Variants in PLAAT5 observed in about 807,000 individuals in gnomAD.
PLAAT5 encodes Ca(2+)-independent N-acyltransferase.
A neutral mutation model predicts 27.8 loss-of-function variants in PLAAT5; 27 were observed. The ratio of observed to expected loss-of-function variants is 0.97; its 90% CI spans 0.72 to 1.34. The LOEUF is 1.34. PLAAT5 is among the 40% of genes most tolerant of loss of function. The pLI, the probability that PLAAT5 is intolerant of heterozygous loss-of-function variation, is 0.00. For missense variants in PLAAT5, 368 were observed against 343.8 expected, an observed-to-expected ratio of 1.07 and a Z score of -0.56; for synonymous variants, 125 against 136.1, an observed-to-expected ratio of 0.92 and a Z score of 0.57.
intron 3 of PLAAT5, among the ~76,000 whole-genome samples, chr11:63,472,812 T>C (rs925438607): frequency 1.3e-5 from 2 of 152,182 alleles, no homozygotes; most frequent in African/African-American, 2.4e-5. Context: ...TTAATTCTAA[T>C]GGTTTTGTGG....
At chr11:63,476,945 T>G (rs375889474) in intron 3 of PLAAT5, among the ~76,000 whole-genome samples, 16 of 152,296 alleles carry the variant, frequency 1.1e-4, no homozygotes, top group African/African-American at 3.1e-4. Context: ...TTCTTTTTTC[T>G]TTTTGGTAAC....
At chr11:63,485,102 C>T (rs1182821702) in intron 3 of PLAAT5, among the ~76,000 whole-genome samples, 2 of 151,174 alleles carry the variant, frequency 1.3e-5, no homozygotes, top group African/African-American at 4.9e-5. Context: ...AAGATCTCTA[C>T]AAGGAAAACA....
chr11:63,463,446 G>T lies in PLAAT5; in HGVS notation c.*57C>A. ...CATTGAGAGAAGGCAAGGGAAGGAA[G>T]CATGTTCTTTTTGCTTGTGTCAGTA... is the stretch of plus-strand genomic sequence containing the variant. On this transcript the variant is annotated 3_prime_UTR_variant, in exon 6 of 6. Coordinates refer to ENST00000540857, the MANE Select transcript of PLAAT5 (RefSeq NM_001146729.2). The T allele has an allele frequency of 7.7e-7, 1 of 1,300,156 alleles. No homozygotes were observed. The highest frequency in any genetic ancestry group is 1.1e-6 in the Non-Finnish European group (1 of 898,066). 80.5% of individuals were successfully genotyped at this position (1,300,156 alleles called of 1,614,324 possible). A position where few individuals can be genotyped will look rare whatever the true frequency, so the allele number is the denominator to read the frequency against.
Position 63,466,262 on chromosome 11 carries a change from T to C in PLAAT5, c.565A>G (p.Lys189Glu), listed in dbSNP as rs2015860704. The change falls in exon 5 of 6, where the codon AAG (lysine) becomes GAG (glutamate). Residue 189 changes from lysine (K) to glutamate (E), a missense_variant. Transcript: ENST00000540857. ...LHGCSWKVNN[K>E]LDGTYLPLPV... ...AAGGGCAGGTACGTCCCATCTAGCT[T>C]GTTATTGACCTTCCAGGAGCAGCCA... is the stretch of plus-strand genomic sequence containing the variant. 1.2e-6 allele frequency: 2 copies of C among 1,614,068 alleles called. No homozygotes were observed. Among genetic ancestry groups the C allele is most frequent in the Non-Finnish European group, 8.5e-7 (1 of 1,180,054 alleles).
chr11:63,473,109 C>T (rs2016069730), intron 3 of PLAAT5, among the ~76,000 whole-genome samples: 2 of 151,714 alleles, frequency 1.3e-5, no homozygotes, highest in African/African-American at 2.4e-5. Context: ...CAGAGCAAGA[C>T]TCTGCCTCAA....
intron 3 of PLAAT5, among the ~76,000 whole-genome samples, chr11:63,473,891 G>C (rs2016091448): frequency 6.6e-6 from 1 of 151,598 alleles, no homozygotes; most frequent in Non-Finnish European, 1.5e-5. Context: ...TATTTGGTTT[G>C]TTTCACCTTG....
chr11:63,479,858 G>T (rs939853153), intron 3 of PLAAT5, among the ~76,000 whole-genome samples: 1 of 152,238 alleles, frequency 6.6e-6, no homozygotes, highest in African/African-American at 2.4e-5. Flanking sequence ...ATTGATCAGG[G>T]TGAAGGAAAT....
intron 1 of PLAAT5, among the ~76,000 whole-genome samples, 199 bp downstream of exon 1, chr11:63,490,688 T>C (rs1056542461): frequency 1.3e-5 from 2 of 152,146 alleles, no homozygotes; most frequent in African/African-American, 4.8e-5. Context: ...ATATGAGATA[T>C]AGCGGGAAGG....
Position 63,463,409 on chromosome 11 carries a change from C to G in PLAAT5, c.*94G>C, listed in dbSNP as rs2015768120. 1.1e-6 allele frequency: 1 copy of G among 907,062 alleles called. No individual in the cohort carries two copies. The highest frequency in any genetic ancestry group is 1.4e-5 in the South Asian group (1 of 72,782). The allele number at this position is 907,062 out of a possible 1,614,324, so 56.2% of individuals were successfully genotyped here. On this transcript the variant is annotated 3_prime_UTR_variant, in exon 6 of 6. Coordinates refer to ENST00000540857, the MANE Select transcript of PLAAT5 (RefSeq NM_001146729.2). ...GATTCTTCCAGAAGTTCACAATTTT[C>G]TTAATCGGAGCCATTGAGAGAAGGC...
At chr11:63,469,143 T>TGAGAGAGA (rs1283736817) in intron 3 of PLAAT5, among the ~76,000 whole-genome samples, 1 of 139,180 alleles carries the variant, frequency 7.2e-6, no homozygotes, top group Non-Finnish European at 1.5e-5. Flanking sequence ...TGTGTGTGTG[T>TGAGAGAGA]GTGAGAGAGA....
rs1034909291 is a variant in PLAAT5, at chr11:63,463,326, T to C, written c.*177A>G. 5.9e-5 allele frequency: 37 copies of C among 632,470 alleles called. No individual in the cohort carries two copies. The African/African-American group carries it at 6.3e-4, about 11-fold the overall frequency. The allele number at this position is 632,470 out of a possible 1,614,324, so 39.2% of individuals were successfully genotyped here. Reference sequence around the variant, plus strand: ...AGATCCTTCCCATCCTGAGAGTCTGTGGGTCTATGCTCGTATATATTGGAT... The same window carrying C: ...AGATCCTTCCCATCCTGAGAGTCTGCGGGTCTATGCTCGTATATATTGGAT... On this transcript the variant is annotated 3_prime_UTR_variant, in exon 6 of 6. Transcript: ENST00000540857.
At position 63,468,474 on chromosome 11, in the gene PLAAT5, G is replaced by C; in HGVS notation, c.346-9C>G. The C allele has an allele frequency of 1.2e-6, 2 of 1,603,764 alleles. No individual in the cohort carries two copies. The highest frequency in any genetic ancestry group is 1.7e-6 in the Non-Finnish European group (2 of 1,171,560). On this transcript the variant is annotated splice_polypyrimidine_tract_variant and intron_variant, in intron 3 of 5. Coordinates refer to ENST00000540857, the MANE Select transcript of PLAAT5 (RefSeq NM_001146729.2). ...CTGGGTCTTGGTTTTCCCTATAATGGAAAAATAAAAGATAAATGGCACATG... is the reference window on the plus strand; with the variant it reads ...CTGGGTCTTGGTTTTCCCTATAATGCAAAAATAAAAGATAAATGGCACATG...
At chr11:63,486,178 T>C (rs1299143401) in intron 3 of PLAAT5, among the ~76,000 whole-genome samples, 1 of 152,204 alleles carries the variant, frequency 6.6e-6, no homozygotes, top group Non-Finnish European at 1.5e-5. Context: ...TTTACACTGC[T>C]GGTGGGGATG....
chr11:63,489,950 T>C (rs986844653), intron 2 of PLAAT5, among the ~76,000 whole-genome samples: 1 of 152,198 alleles, frequency 6.6e-6, no homozygotes, highest in Admixed American at 6.5e-5. Flanking sequence ...GTTCACTGAT[T>C]AGTGAGACCA....
intron 1 of PLAAT5, 98 bp downstream of exon 1, chr11:63,490,789 C>T (rs1257751620): frequency 1.8e-6 from 2 of 1,126,448 alleles, no homozygotes; most frequent in Admixed American, 2.7e-5. Context: ...ACAACACAAT[C>T]GCCAAATGTC....
intron 3 of PLAAT5, among the ~76,000 whole-genome samples, chr11:63,485,607 C>T (rs2120335709): frequency 6.6e-6 from 1 of 152,282 alleles, no homozygotes; most frequent in African/African-American, 2.4e-5. Context: ...CAACTCTCAC[C>T]TTCTACAAAA....
At chr11:63,474,577 TAA>T (rs2016109597) in intron 3 of PLAAT5, among the ~76,000 whole-genome samples, 1 of 152,130 alleles carries the variant, frequency 6.6e-6, no homozygotes, top group Non-Finnish European at 1.5e-5. Context: ...TTAGTGTAGC[TAA>T]AAGTTTGTCT....
At chr11:63,490,396 C>A in intron 1 of PLAAT5, 63 bp from the exon 2 acceptor site, 1 of 1,612,350 alleles carries the variant, frequency 6.2e-7, no homozygotes, top group East Asian at 2.2e-5. Flanking sequence ...AGCACCTTGA[C>A]CGCTACGGAG....
chr11:63,469,135 TGTGTGTGTGTGA>T (rs1363488936), intron 3 of PLAAT5, among the ~76,000 whole-genome samples: 1 of 146,408 alleles, frequency 6.8e-6, no homozygotes, highest in South Asian at 2.2e-4. Context: ...TGTGTGTGTG[TGTGTGTGTGTGA>T]GAGAGAGAGA....
Sources: allele counts gnomAD v4.1 joint callset (sites outside exome capture counted in the v4.1 genomes callset), GRCh38; gene constraint gnomAD v4.1.1; transcripts MANE v1.5; gene names NCBI Gene and HGNC (gene_info 2026-07-23, HGNC 2026-07-21).